The following KCNQ5 variants were observed in gnomAD, a reference collection of about 807,000 sequenced individuals.
KCNQ5 encodes potassium voltage-gated channel subfamily KQT member 5.
Under a neutral mutation model 98.2 loss-of-function variants are expected in KCNQ5, and 30 were observed. That is an observed-to-expected ratio of 0.31 (90% CI 0.23 to 0.41). KCNQ5 has a LOEUF of 0.41. Among genes scored for constraint, KCNQ5 ranks in the 10% least tolerant of loss-of-function variants. The pLI, the probability that KCNQ5 is intolerant of heterozygous loss-of-function variation, is 1.00. For synonymous variants in KCNQ5, 458 were observed against 449.4 expected, an observed-to-expected ratio of 1.02 and a Z score of -0.24; for missense variants, 835 against 1,182.5, an observed-to-expected ratio of 0.71 and a Z score of 4.31.
intron 7 of KCNQ5, among the ~76,000 whole-genome samples, chr6:73,111,869 T>G (rs1372364850): frequency 6.6e-6 from 1 of 152,262 alleles, no homozygotes; most frequent in Non-Finnish European, 1.5e-5. Flanking sequence ...AAATTGCTTT[T>G]AGTGCCATCT....
At position 72,752,166 on chromosome 6, in the gene KCNQ5, G is replaced by A. The variant is rs549881998; in HGVS notation, c.398+129579G>A. On this transcript the variant is annotated intron_variant, in intron 1 of 13. Transcript: ENST00000370398. ...CAAATCAGGTGCTGGGTGTAAGGGC[G>A]GACAGCATGAAAGACGTTGTCCTTT... 1.3e-3 allele frequency among the ~76,000 whole-genome samples: 203 copies of A among 152,176 alleles called. 1 individual carries two copies. Among genetic ancestry groups the A allele is most frequent in the African/African-American group, 4.2e-3 (174 of 41,552 alleles).
intron 5 of KCNQ5, among the ~76,000 whole-genome samples, chr6:73,099,136 A>G (rs928680157): frequency 3.3e-5 from 5 of 151,548 alleles, no homozygotes; most frequent in African/African-American, 1.2e-4. Context: ...ACCTAAAATC[A>G]AAAAAGCATA....
At chr6:72,899,742 A>G (rs1421219095) in intron 1 of KCNQ5, among the ~76,000 whole-genome samples, 5 of 151,926 alleles carry the variant, frequency 3.3e-5, no homozygotes, top group African/African-American at 1.2e-4. Context: ...ATTTTGGTGT[A>G]CCCATCACCA....
rs1321986859 is a variant in KCNQ5 at position 73,063,427 on chromosome 6, CTCTT to C, written c.617-13888_617-13885del. On this transcript the variant is annotated intron_variant, in intron 3 of 13. Coordinates refer to ENST00000370398, the MANE Select transcript of KCNQ5 (RefSeq NM_019842.4). ...ATCTTGTACAAGCTTCTCTGGGACACTCTTTCTTTCCTTTTAAGCACAGATAAGA... is the reference window on the plus strand; with the variant it reads ...ATCTTGTACAAGCTTCTCTGGGACACTCTTTCCTTTTAAGCACAGATAAGA... Among the ~76,000 whole-genome samples, 4 of 152,192 alleles carry C rather than the reference CTCTT, an allele frequency of 2.6e-5. No individual in the cohort carries two copies. The East Asian group carries it at 7.7e-4, about 29-fold the overall frequency.
rs541492262 is a variant in KCNQ5, at chr6:73,176,352, A to G, written c.1577+6498A>G. Among the ~76,000 whole-genome samples the G allele has an allele frequency of 1.7e-4, 26 of 152,326 alleles. No homozygotes were observed. The South Asian group carries it at 4.4e-3, about 26-fold the overall frequency. ...TCTTTCTTCCTGCTGCTCCGGCCACATAAGAAGCCTGCTTCCCTTTTGCCG... is the reference window on the plus strand; with the variant it reads ...TCTTTCTTCCTGCTGCTCCGGCCACGTAAGAAGCCTGCTTCCCTTTTGCCG... On this transcript the variant is annotated intron_variant, in intron 11 of 13. Transcript: ENST00000370398.
chr6:72,944,582 C>T (rs1766453214), intron 1 of KCNQ5, among the ~76,000 whole-genome samples: 1 of 152,152 alleles, frequency 6.6e-6, no homozygotes, highest in African/African-American at 2.4e-5. Context: ...GGAAATAGTG[C>T]TATAACCAAA....
chr6:73,192,480 A>C, intron 12 of KCNQ5, 85 bp from the exon 13 acceptor site: 1 of 1,190,616 alleles, frequency 8.4e-7, no homozygotes, highest in Non-Finnish European at 1.1e-6. Context: ...ACTGTATTTA[A>C]TTTTTTTTTC....
At chr6:72,984,200 C>T (rs907309816) in intron 1 of KCNQ5, among the ~76,000 whole-genome samples, 1 of 152,210 alleles carries the variant, frequency 6.6e-6, no homozygotes, top group African/African-American at 2.4e-5. Flanking sequence ...TGTCCATTCT[C>T]AGATCTCGAA....
At chr6:72,921,372 T>G (rs1425511832) in intron 1 of KCNQ5, among the ~76,000 whole-genome samples, 1 of 152,114 alleles carries the variant, frequency 6.6e-6, no homozygotes, top group African/African-American at 2.4e-5. Context: ...AATGTGAAGG[T>G]TGATTGGGCT....
At chr6:73,125,588 A>G (rs1161393317) in intron 9 of KCNQ5, 2 of 248,786 alleles carry the variant, frequency 8.0e-6, no homozygotes, top group Non-Finnish European at 1.6e-5. Flanking sequence ...TATTATAATA[A>G]TTATATTAAT....
intron 1 of KCNQ5, among the ~76,000 whole-genome samples, chr6:72,754,742 C>A (rs943546144): frequency 1.3e-5 from 2 of 151,318 alleles, no homozygotes; most frequent in Non-Finnish European, 2.9e-5. Context: ...GGTGAATGTT[C>A]AATGTACACA....
intron 1 of KCNQ5, among the ~76,000 whole-genome samples, chr6:72,796,253 A>G (rs954067773): frequency 6.6e-6 from 1 of 152,228 alleles, no homozygotes; most frequent in Non-Finnish European, 1.5e-5. Context: ...GTACAAAGGA[A>G]GAGAAATTTG....
At chr6:72,932,735 T>C (rs143393110) in intron 1 of KCNQ5, among the ~76,000 whole-genome samples, 34 of 152,312 alleles carry the variant, frequency 2.2e-4, no homozygotes, top group African/African-American at 8.2e-4. Flanking sequence ...CATCATCTCA[T>C]ATACGGTAGC....
intron 3 of KCNQ5, among the ~76,000 whole-genome samples, chr6:73,069,162 A>G (rs182818588): frequency 4.1e-4 from 63 of 152,230 alleles, no homozygotes; most frequent in African/African-American, 1.5e-3. Flanking sequence ...AAATTCGTCT[A>G]TGTGCCTTCT....
At chr6:73,125,647 T>C in intron 9 of KCNQ5, 1 of 210,494 alleles carries the variant, frequency 4.8e-6, no homozygotes, top group Non-Finnish European at 9.3e-6. Context: ...GTTCACTTGG[T>C]GTATTAAGGC....
intron 1 of KCNQ5, among the ~76,000 whole-genome samples, chr6:72,925,447 A>G (rs1005765607): frequency 3.1e-4 from 47 of 152,356 alleles, no homozygotes; most frequent in African/African-American, 1.0e-3. Flanking sequence ...CATCATCAGA[A>G]TAGATCCACA....
At chr6:73,175,194 A>T (rs1008894958) in intron 11 of KCNQ5, among the ~76,000 whole-genome samples, 50 of 151,654 alleles carry the variant, frequency 3.3e-4, no homozygotes, top group Non-Finnish European at 6.6e-4. Flanking sequence ...CTTGTTGCCC[A>T]GGCTGGAGTG....
chr6:72,633,049 C>T (rs757625674), intron 1 of KCNQ5, among the ~76,000 whole-genome samples: 1 of 152,168 alleles, frequency 6.6e-6, no homozygotes, highest in Non-Finnish European at 1.5e-5. Flanking sequence ...TTCCCACTAA[C>T]AGTGTATAGG....
intron 1 of KCNQ5, among the ~76,000 whole-genome samples, chr6:72,756,137 C>T (rs1409340620): frequency 6.6e-6 from 1 of 152,160 alleles, no homozygotes; most frequent in Non-Finnish European, 1.5e-5. Context: ...TTTTCCTACT[C>T]ACATTTGTAG....
Sources: gnomAD v4.1 joint callset for allele counts (sites outside exome capture counted in the v4.1 genomes callset) on GRCh38, gnomAD v4.1.1 for gene constraint, MANE v1.5 for transcripts, NCBI Gene and HGNC (gene_info 2026-07-23, HGNC 2026-07-21) for gene names.